FRMD4A: variants seen among roughly 807,000 people sequenced by gnomAD.
FRMD4A encodes the protein FERM domain containing 4A, also known as FERM domain-containing protein 4A.
In FRMD4A, 29 loss-of-function variants were observed where a neutral mutation model predicts 129.1. That is an observed-to-expected ratio of 0.22 (90% CI 0.17 to 0.31). FRMD4A has a LOEUF of 0.31. Ranked by LOEUF, FRMD4A falls within the 10% of genes least tolerant of loss-of-function variation. The pLI, the probability that FRMD4A is intolerant of heterozygous loss-of-function variation, is 1.00. For missense variants in FRMD4A, 1,272 were observed against 1,375.8 expected (o/e 0.92, Z 1.19); for synonymous variants, 634 against 571.6 (o/e 1.11, Z -1.56).
intron 2 of FRMD4A, among the ~76,000 whole-genome samples, chr10:13,946,421 A>T (rs2095332079): frequency 6.6e-6 from 1 of 152,200 alleles, no homozygotes; most frequent in Non-Finnish European, 1.5e-5. Flanking sequence ...ACCATAAAAA[A>T]AATTCTAGGT....
intron 2 of FRMD4A, among the ~76,000 whole-genome samples, chr10:14,174,956 A>G (rs1265790665): frequency 6.6e-6 from 1 of 151,784 alleles, no homozygotes; most frequent in Non-Finnish European, 1.5e-5. Context: ...AGGAGTCCAA[A>G]TAAATCAGGA....
chr10:13,718,853 G>A (rs148022315), intron 12 of FRMD4A, among the ~76,000 whole-genome samples: 79 of 152,326 alleles, frequency 5.2e-4, no homozygotes, highest in African/African-American at 1.5e-3. Context: ...ATGTGGTGCC[G>A]TAATGGCTTT....
At chr10:13,809,802 C>T (rs774897573) in intron 4 of FRMD4A, among the ~76,000 whole-genome samples, 17 of 152,218 alleles carry the variant, frequency 1.1e-4, no homozygotes, top group South Asian at 4.1e-4. Context: ...ACAGTCCCAA[C>T]GACACCCCCT....
At chr10:14,208,731 T>G (rs1389993534) in intron 2 of FRMD4A, among the ~76,000 whole-genome samples, 2 of 152,164 alleles carry the variant, frequency 1.3e-5, no homozygotes, top group Admixed American at 1.3e-4. Flanking sequence ...GACTGAGACC[T>G]GGAGCAGGGC....
chr10:13,674,891 A>G lies in FRMD4A; in HGVS notation c.1251+20T>C. On this transcript the variant is annotated intron_variant, in intron 16 of 24. Coordinates refer to ENST00000357447, the MANE Select transcript of FRMD4A (RefSeq NM_018027.5). ...CACAGACAACACCAATTTCAACGGG[A>G]TGAGCTAGGAAAGGCTTACAGCTTC... The G allele has an allele frequency of 1.2e-6, 2 of 1,613,048 alleles. No homozygotes were observed. Among genetic ancestry groups the G allele is most frequent in the Non-Finnish European group, 8.5e-7 (1 of 1,179,082 alleles).
chr10:13,939,491 C>T (rs2614153), intron 2 of FRMD4A, among the ~76,000 whole-genome samples: 98,699 of 152,042 alleles, frequency 0.65, 32,863 homozygotes, highest in East Asian at 0.81. Flanking sequence ...TTCTGATTGG[C>T]TAGTTCCTGG....
intron 2 of FRMD4A, chr10:13,971,699 TG>T: frequency 7.7e-7 from 1 of 1,304,336 alleles, no homozygotes; most frequent in Non-Finnish European, 1.0e-6. Flanking sequence ...TAGCAGCAGC[TG>T]CAGAACTCGA....
intron 2 of FRMD4A, among the ~76,000 whole-genome samples, chr10:14,208,891 A>G (rs1842859509): frequency 6.6e-6 from 1 of 152,062 alleles, no homozygotes; most frequent in Admixed American, 6.6e-5. Flanking sequence ...TGCTCCCTGA[A>G]CTTTTTCCCC....
At chr10:14,292,826 G>A (rs1996746) in intron 2 of FRMD4A, among the ~76,000 whole-genome samples, 48,759 of 151,898 alleles carry the variant, frequency 0.32, 8,149 homozygotes, top group Middle Eastern at 0.37. Flanking sequence ...CATTTTTTAG[G>A]AGAAATAGGA....
At chr10:13,892,731 G>T (rs965942040) in intron 2 of FRMD4A, among the ~76,000 whole-genome samples, 1 of 152,072 alleles carries the variant, frequency 6.6e-6, no homozygotes, top group African/African-American at 2.4e-5. Context: ...GGGAGAGACT[G>T]GTTTTCCTCC....
intron 2 of FRMD4A, among the ~76,000 whole-genome samples, chr10:14,293,169 T>C (rs138171894): frequency 6.6e-6 from 1 of 152,230 alleles, no homozygotes; most frequent in Admixed American, 6.5e-5. Flanking sequence ...TGTGGCCTAA[T>C]AAGAGGTGAT....
intron 2 of FRMD4A, among the ~76,000 whole-genome samples, chr10:14,232,733 T>C (rs1287451546): frequency 6.6e-6 from 1 of 152,222 alleles, no homozygotes; most frequent in Non-Finnish European, 1.5e-5. Context: ...TTGGATGTTA[T>C]TGGTGTATAG....
chr10:13,698,163 G>A (rs1290531302), intron 14 of FRMD4A, among the ~76,000 whole-genome samples: 2 of 152,118 alleles, frequency 1.3e-5, no homozygotes, highest in Non-Finnish European at 2.9e-5. Flanking sequence ...GACCCTGAAA[G>A]AAGAAAAAAC....
chr10:14,015,002 TCCTTCCTCCCTCC>T lies in FRMD4A; in HGVS notation c.46-156103_46-156091del, dbSNP rs1437530234. ...TTCCTTTCATCCTTTCTTATCTCCT[TCCTTCCTCCCTCC>T]CTCCCTTCCTTCCTTCCTCCCTCCC... On this transcript the variant is annotated intron_variant, in intron 2 of 24. Transcript: ENST00000357447. Among the ~76,000 whole-genome samples, 234 of 137,660 alleles carry T rather than the reference TCCTTCCTCCCTCC, an allele frequency of 1.7e-3. 3 individuals carry two copies. The highest frequency in any genetic ancestry group is 6.3e-3 in the African/African-American group (231 of 36,936). The allele number at this position is 137,660 out of a possible 152,430, so 90.3% of individuals were successfully genotyped here. A position where few individuals can be genotyped will look rare whatever the true frequency, so the allele number is the denominator to read the frequency against.
intron 2 of FRMD4A, among the ~76,000 whole-genome samples, chr10:14,101,985 ACTGGATTTAAGTC>A (rs1200285182): frequency 6.6e-6 from 1 of 152,222 alleles, no homozygotes; most frequent in Admixed American, 6.5e-5. Context: ...AGCTGCTTTT[ACTGGATTTAAGTC>A]CAACCCGTAG....
rs967498138 is a variant in FRMD4A, at chr10:14,328,380, G to C, written c.45+1678C>G. Among the ~76,000 whole-genome samples the C allele has an allele frequency of 1.1e-3, 124 of 113,316 alleles. 4 individuals carry two copies. The highest frequency in any genetic ancestry group is 9.2e-3 in the South Asian group (30 of 3,258). 74.3% of individuals were successfully genotyped at this position (113,316 alleles called of 152,430 possible). A position where few individuals can be genotyped will look rare whatever the true frequency, so the allele number is the denominator to read the frequency against. On this transcript the variant is annotated intron_variant, in intron 2 of 24. Coordinates refer to ENST00000357447, the MANE Select transcript of FRMD4A (RefSeq NM_018027.5). ...TGTGTGTGTGTGGGTGGGGGGGGGG[G>C]GTGTATAACAGCAGAAATGGATGCT...
chr10:13,666,403 A>G, intron 17 of FRMD4A, 78 bp from the exon 18 acceptor site: 3 of 1,000,930 alleles, frequency 3.0e-6, no homozygotes, highest in Admixed American at 1.9e-5. Context: ...CCCCTGTCCC[A>G]AGGCAAGTCC....
intron 2 of FRMD4A, among the ~76,000 whole-genome samples, chr10:14,039,638 A>G (rs886901120): frequency 4.6e-5 from 7 of 152,308 alleles, no homozygotes; most frequent in African/African-American, 1.4e-4. Context: ...AGATAAATGC[A>G]TATCTGATTT....
chr10:13,999,098 C>T lies in FRMD4A; in HGVS notation c.46-140186G>A, dbSNP rs115543962. On this transcript the variant is annotated intron_variant, in intron 2 of 24. Coordinates refer to ENST00000357447, the MANE Select transcript of FRMD4A (RefSeq NM_018027.5). ...CCACTCCTGCCTCTGGCCTGTTGTA[C>T]TTGCTGTGCCCTCTGTGTGGGATGT... 2.8e-3 allele frequency among the ~76,000 whole-genome samples: 433 copies of T among 152,224 alleles called. 4 individuals carry two copies. Among genetic ancestry groups the T allele is most frequent in the African/African-American group, 9.9e-3 (413 of 41,524 alleles).
Sources: gnomAD v4.1 joint callset for allele counts (sites outside exome capture counted in the v4.1 genomes callset) on GRCh38, gnomAD v4.1.1 for gene constraint, MANE v1.5 for transcripts, NCBI Gene and HGNC (gene_info 2026-07-23, HGNC 2026-07-21) for gene names.